The following SPOCK3 variants were observed in gnomAD, a reference collection of about 807,000 sequenced individuals.
SPOCK3 encodes SPARC (osteonectin), cwcv and kazal like domains proteoglycan 3, also known as testican-3.
Under a neutral mutation model 56.6 loss-of-function variants are expected in SPOCK3, and 30 were observed. The ratio of observed to expected loss-of-function variants is 0.53; its 90% CI spans 0.40 to 0.72. SPOCK3 has a LOEUF of 0.72. SPOCK3 is among the 30% of genes least tolerant of loss of function. The probability of loss-of-function intolerance (pLI) is 0.00; values close to 1 mark genes in which losing one functional copy is unlikely to be tolerated. For missense variants in SPOCK3, 527 were observed against 530.0 expected (o/e 0.99, Z 0.06); for synonymous variants, 196 against 183.3 (o/e 1.07, Z -0.56).
chr4:166,782,408 A>G (rs1740281196), intron 7 of SPOCK3, among the ~76,000 whole-genome samples: 1 of 152,198 alleles, frequency 6.6e-6, no homozygotes, highest in Admixed American at 6.5e-5. Flanking sequence ...AGTACTCACT[A>G]AAGTAAGTAG....
chr4:166,807,102 T>G (rs1055525072), intron 6 of SPOCK3, among the ~76,000 whole-genome samples: 5 of 152,016 alleles, frequency 3.3e-5, no homozygotes, highest in African/African-American at 9.7e-5. Flanking sequence ...GGGGAATACT[T>G]TATAGTTATA....
chr4:166,928,864 A>G (rs1350787105), intron 4 of SPOCK3, among the ~76,000 whole-genome samples: 1 of 152,140 alleles, frequency 6.6e-6, no homozygotes, highest in Admixed American at 6.5e-5. Flanking sequence ...GCTACTCAGG[A>G]GACTGAGGCA....
At chr4:166,944,539 T>C (rs1741492319) in intron 4 of SPOCK3, among the ~76,000 whole-genome samples, 1 of 152,174 alleles carries the variant, frequency 6.6e-6, no homozygotes, top group East Asian at 1.9e-4. Context: ...CAGTGTTCTT[T>C]TTTTCTTGAG....
chr4:167,155,746 T>C (rs780323694), intron 2 of SPOCK3, among the ~76,000 whole-genome samples: 4 of 152,130 alleles, frequency 2.6e-5, no homozygotes, highest in East Asian at 1.9e-4. Context: ...GAGAAAAATA[T>C]TGACTGCAAT....
chr4:166,746,444 A>C (rs1735627201), intron 8 of SPOCK3, among the ~76,000 whole-genome samples: 1 of 152,216 alleles, frequency 6.6e-6, no homozygotes, highest in Non-Finnish European at 1.5e-5. Context: ...AATGAGAACA[A>C]AGACAGAACA....
intron 4 of SPOCK3, among the ~76,000 whole-genome samples, chr4:166,967,056 T>G (rs1744816570): frequency 6.6e-6 from 1 of 152,164 alleles, no homozygotes; most frequent in Non-Finnish European, 1.5e-5. Context: ...TCTTCTCTAT[T>G]TGGTCAAAGA....
At chr4:166,815,245 T>C (rs912912136) in intron 6 of SPOCK3, among the ~76,000 whole-genome samples, 5 of 149,554 alleles carry the variant, frequency 3.3e-5, no homozygotes, top group Non-Finnish European at 7.4e-5. Context: ...ATCAGACTGA[T>C]GATACTGTGC....
At chr4:167,044,782 T>C (rs950014452) in intron 3 of SPOCK3, among the ~76,000 whole-genome samples, 3 of 152,132 alleles carry the variant, frequency 2.0e-5, no homozygotes, top group African/African-American at 7.2e-5. Context: ...TCAGCAGTTA[T>C]TGTATGATTT....
intron 5 of SPOCK3, among the ~76,000 whole-genome samples, chr4:166,899,817 T>TGTTTAC (rs1244221101): frequency 6.6e-6 from 1 of 152,148 alleles, no homozygotes; most frequent in Non-Finnish European, 1.5e-5. Context: ...GCCCAGCCCC[T>TGTTTAC]GTTTACTATA....
intron 3 of SPOCK3, among the ~76,000 whole-genome samples, chr4:167,055,733 T>A (rs760241531): frequency 2.4e-4 from 36 of 152,132 alleles, no homozygotes; most frequent in African/African-American, 6.3e-4. Flanking sequence ...ACTGCAAGGC[T>A]GCAGCGAGGC....
intron 2 of SPOCK3, among the ~76,000 whole-genome samples, chr4:167,070,572 T>C (rs954350686): frequency 1.3e-5 from 2 of 151,982 alleles, no homozygotes; most frequent in African/African-American, 4.8e-5. Context: ...TAACTTTTAT[T>C]GCTTCCTGTA....
intron 3 of SPOCK3, among the ~76,000 whole-genome samples, 182 bp from the exon 4 acceptor site, chr4:167,000,645 G>A (rs565329877): frequency 6.6e-6 from 1 of 152,288 alleles, no homozygotes; most frequent in East Asian, 1.9e-4. Context: ...ACAGCTAGCT[G>A]TAGTTGTCTC....
intron 2 of SPOCK3, among the ~76,000 whole-genome samples, chr4:167,132,905 G>A (rs1762818298): frequency 6.6e-6 from 1 of 152,088 alleles, no homozygotes; most frequent in Admixed American, 6.6e-5. Context: ...GGTCCTTAAT[G>A]TCATCTGCTA....
chr4:166,926,718 T>C (rs947012231), intron 4 of SPOCK3, among the ~76,000 whole-genome samples: 1 of 152,132 alleles, frequency 6.6e-6, no homozygotes, highest in Non-Finnish European at 1.5e-5. Flanking sequence ...AAACTAGTAA[T>C]AGGTATGTAT....
chr4:167,070,814 A>G (rs1241730742), intron 2 of SPOCK3, among the ~76,000 whole-genome samples: 2 of 151,998 alleles, frequency 1.3e-5, no homozygotes, highest in African/African-American at 4.8e-5. Context: ...TGATCACAAA[A>G]TAGATTAGGT....
chr4:166,896,003 C>T (rs1490678522), intron 5 of SPOCK3, among the ~76,000 whole-genome samples: 12 of 151,964 alleles, frequency 7.9e-5, no homozygotes, highest in African/African-American at 2.9e-4. Flanking sequence ...ACACCAGGGC[C>T]CAGATCACAC....
intron 2 of SPOCK3, among the ~76,000 whole-genome samples, chr4:167,155,506 A>G (rs1011889489): frequency 4.6e-5 from 7 of 152,222 alleles, no homozygotes. Context: ...AAATATATGA[A>G]AGAAAGAAAA....
At chr4:166,974,964 GATTA>G (rs1745784263) in intron 4 of SPOCK3, among the ~76,000 whole-genome samples, 1 of 152,140 alleles carries the variant, frequency 6.6e-6, no homozygotes, top group African/African-American at 2.4e-5. Flanking sequence ...TTCTCTCATA[GATTA>G]ATCAATTAAC....
chr4:166,785,027 TAATAA>T (rs1305859882), intron 7 of SPOCK3, among the ~76,000 whole-genome samples: 1 of 152,048 alleles, frequency 6.6e-6, no homozygotes, highest in Non-Finnish European at 1.5e-5. Context: ...GAGATTTAAA[TAATAA>T]AATAAAATCA....
Sources: allele counts gnomAD v4.1 joint callset (sites outside exome capture counted in the v4.1 genomes callset), GRCh38; gene constraint gnomAD v4.1.1; transcripts MANE v1.5; gene names NCBI Gene and HGNC (gene_info 2026-07-23, HGNC 2026-07-21).